Variants in THSD4 observed in about 807,000 individuals in gnomAD.
THSD4 encodes thrombospondin type 1 domain containing 4.
THSD4 carries 69 observed loss-of-function variants against 119.0 expected under a neutral mutation model. The observed-to-expected ratio is 0.58, with a 90% CI of 0.48 to 0.71. The LOEUF (loss-of-function observed/expected upper bound fraction) is 0.71, where lower values mean the gene tolerates loss of function less well. Ranked by LOEUF, THSD4 falls within the 30% of genes least tolerant of loss-of-function variation. The probability of loss-of-function intolerance (pLI) is 0.00; values close to 1 mark genes in which losing one functional copy is unlikely to be tolerated. For synonymous variants in THSD4, 524 were observed against 540.4 expected (o/e 0.97, Z 0.42); for missense variants, 1,393 against 1,391.1 (o/e 1.00, Z -0.02).
At chr15:71,662,695 G>A (rs376165462) in intron 8 of THSD4, among the ~76,000 whole-genome samples, 1 of 152,154 alleles carries the variant, frequency 6.6e-6, no homozygotes, top group African/African-American at 2.4e-5. Context: ...CTGGATGTCT[G>A]AATGGAGGAA....
chr15:71,600,040 C>T (rs2049977539), intron 7 of THSD4, among the ~76,000 whole-genome samples: 1 of 152,240 alleles, frequency 6.6e-6, no homozygotes, highest in South Asian at 2.1e-4. Flanking sequence ...GCCTATTTCA[C>T]TTTCCTTCCA....
rs769013005 is a variant in THSD4 at position 71,757,974 on chromosome 15, C to T, written c.2488C>T (p.Pro830Ser). 1.6e-5 allele frequency: 26 copies of T among 1,614,016 alleles called. No homozygotes were observed. In the Middle Eastern group the frequency reaches 1.5e-3, roughly 92 times the overall value. The change falls in exon 15 of 18, where the codon CCC becomes TCC. Residue 830 changes from proline to serine, a missense_variant. Pro to Ser is a moderately conservative substitution (Grantham distance 74). Transcript: ENST00000261862. ...VCMTNHVSSL[P>S]LEGCGNNRPA... The stretch of plus-strand genomic sequence containing the variant: ...CATGACCAACCATGTCAGCAGCCTG[C>T]CCCTGGAGGGCTGTGGGAACAACCG...
At chr15:71,592,409 G>C (rs2049824392) in intron 7 of THSD4, among the ~76,000 whole-genome samples, 1 of 152,168 alleles carries the variant, frequency 6.6e-6, no homozygotes, top group Non-Finnish European at 1.5e-5. Context: ...GCCGCCCCAG[G>C]AATTGAGCTG....
chr15:71,619,176 T>C (rs2050375720), intron 7 of THSD4, among the ~76,000 whole-genome samples: 1 of 151,940 alleles, frequency 6.6e-6, no homozygotes, highest in African/African-American at 2.4e-5. Context: ...TTCACCATGT[T>C]GGCCAGGCTG....
At chr15:71,358,597 T>C (rs140192520) in intron 6 of THSD4, among the ~76,000 whole-genome samples, 1 of 152,348 alleles carries the variant, frequency 6.6e-6, no homozygotes, top group African/African-American at 2.4e-5. Context: ...AGACTCCACT[T>C]CACTGTGCAT....
At chr15:71,624,343 C>T (rs931836626) in intron 7 of THSD4, among the ~76,000 whole-genome samples, 10 of 152,208 alleles carry the variant, frequency 6.6e-5, no homozygotes, top group African/African-American at 2.4e-4. Flanking sequence ...ACCACAGCAT[C>T]CACAACAACA....
chr15:71,193,004 G>C (rs913406349), intron 3 of THSD4, among the ~76,000 whole-genome samples: 2 of 152,228 alleles, frequency 1.3e-5, no homozygotes, highest in Non-Finnish European at 2.9e-5. Context: ...AGGTTTAGGA[G>C]AGAAATGAGC....
chr15:71,104,100 A>G (rs1043590420), intron 1 of THSD4, among the ~76,000 whole-genome samples: 1 of 152,106 alleles, frequency 6.6e-6, no homozygotes, highest in East Asian at 1.9e-4. Context: ...TACTTATTCC[A>G]TCTTTTCTGG....
At chr15:71,470,998 CTATT>C (rs1291851585) in intron 7 of THSD4, among the ~76,000 whole-genome samples, 1 of 152,144 alleles carries the variant, frequency 6.6e-6, no homozygotes, top group Admixed American at 6.5e-5. Context: ...AGTTATCAGG[CTATT>C]TCTTTTTGTT....
chr15:71,223,102 A>G (rs1042799386), intron 4 of THSD4, among the ~76,000 whole-genome samples: 12 of 152,168 alleles, frequency 7.9e-5, no homozygotes, highest in African/African-American at 1.9e-4. Context: ...ACACACTGGC[A>G]GTTGTTTTGA....
intron 7 of THSD4, among the ~76,000 whole-genome samples, chr15:71,599,581 A>G (rs2049968892): frequency 6.6e-6 from 1 of 152,206 alleles, no homozygotes; most frequent in African/African-American, 2.4e-5. Flanking sequence ...TAAACCAGGA[A>G]TGCTGCCCAA....
chr15:71,716,581 T>TGTGTGTGTGTG (rs1567116002), intron 8 of THSD4, among the ~76,000 whole-genome samples: 1 of 43,396 alleles, frequency 2.3e-5, no homozygotes, highest in Non-Finnish European at 5.6e-5. Context: ...TGTGTGTGTG[T>TGTGTGTGTGTG]TGGTTTTTGT....
chr15:71,369,075 G>T (rs561880323), intron 6 of THSD4, among the ~76,000 whole-genome samples: 19 of 152,138 alleles, frequency 1.2e-4, no homozygotes, highest in African/African-American at 4.3e-4. Flanking sequence ...CTCATGATTT[G>T]GCTCTCTGTC....
At chr15:71,328,182 T>G (rs760100353) in intron 6 of THSD4, among the ~76,000 whole-genome samples, 3 of 152,232 alleles carry the variant, frequency 2.0e-5, no homozygotes, top group Non-Finnish European at 4.4e-5. Context: ...TTGTTTTTAT[T>G]GTTCCTCTAT....
At chr15:71,394,482 G>A (rs186682539) in intron 6 of THSD4, among the ~76,000 whole-genome samples, 76 of 152,058 alleles carry the variant, frequency 5.0e-4, no homozygotes, top group African/African-American at 1.7e-3. Flanking sequence ...CATGTTAGCC[G>A]GGATGGTCTA....
chr15:71,688,991 C>A (rs1439032656), intron 8 of THSD4, among the ~76,000 whole-genome samples: 1 of 152,172 alleles, frequency 6.6e-6, no homozygotes, highest in Non-Finnish European at 1.5e-5. Context: ...TGAGATAAAG[C>A]TCAGGAACGC....
chr15:71,578,937 G>A (rs550976778), intron 7 of THSD4, among the ~76,000 whole-genome samples: 10 of 147,952 alleles, frequency 6.8e-5, no homozygotes, highest in South Asian at 6.5e-4. Flanking sequence ...TCTGCCTCCC[G>A]GGTTCAAGTG....
At chr15:71,390,603 C>G (rs1029564540) in intron 6 of THSD4, among the ~76,000 whole-genome samples, 1 of 152,066 alleles carries the variant, frequency 6.6e-6, no homozygotes, top group Admixed American at 6.6e-5. Context: ...CTTGAATGTC[C>G]TTGATTTAAA....
chr15:71,608,239 TATATATATATACACACACAC>T (rs2050150502), intron 7 of THSD4, among the ~76,000 whole-genome samples: 1 of 66,980 alleles, frequency 1.5e-5, no homozygotes. Context: ...AAAAAAAAAA[TATATATATATACACACACAC>T]ACACACACAC....
Sources: allele counts gnomAD v4.1 joint callset (sites outside exome capture counted in the v4.1 genomes callset), GRCh38; gene constraint gnomAD v4.1.1; transcripts MANE v1.5; gene names NCBI Gene and HGNC (gene_info 2026-07-23, HGNC 2026-07-21).